ERG: variants seen among roughly 807,000 people sequenced by gnomAD.
ERG encodes the protein transcriptional regulator ERG.
A neutral mutation model predicts 55.3 loss-of-function variants in ERG; 9 were observed. That is an observed-to-expected ratio of 0.16 (90% CI 0.10 to 0.28). The LOEUF is 0.28. Ranked by LOEUF, ERG falls within the 10% of genes least tolerant of loss-of-function variation. The pLI is 1.00. For missense variants in ERG, 434 were observed against 631.6 expected, an observed-to-expected ratio of 0.69 and a Z score of 3.35; for synonymous variants, 223 against 237.3, an observed-to-expected ratio of 0.94 and a Z score of 0.55.
chr21:38,367,802 G>A, the ERG span, among the ~76,000 whole-genome samples: 2 of 152,134 alleles, frequency 1.3e-5, no homozygotes, highest in African/African-American at 4.8e-5. Context: ...ACCTTCTGTG[G>A]AATAACGAAA....
At chr21:38,446,631 A>T (rs1325864768) in intron 1 of ERG, among the ~76,000 whole-genome samples, 1 of 152,162 alleles carries the variant, frequency 6.6e-6, no homozygotes, top group Non-Finnish European at 1.5e-5. Context: ...CATCCTCAGT[A>T]TTGACATCAA....
intron 1 of ERG, among the ~76,000 whole-genome samples, chr21:38,577,354 A>G (rs1170828685): frequency 1.3e-5 from 2 of 152,156 alleles, no homozygotes; most frequent in African/African-American, 2.4e-5. Flanking sequence ...AGATTGGCGG[A>G]GCTTGGCTCA....
intron 2 of ERG, among the ~76,000 whole-genome samples, chr21:38,520,173 C>A (rs1278525322): frequency 6.6e-6 from 1 of 152,120 alleles, no homozygotes; most frequent in Non-Finnish European, 1.5e-5. Flanking sequence ...TCTATCAATT[C>A]ACTGCAAGGA....
chr21:38,524,267 G>T (rs2836463), intron 2 of ERG, among the ~76,000 whole-genome samples: 24,188 of 152,148 alleles, frequency 0.16, 2,125 homozygotes, highest in East Asian at 0.35. Context: ...TTAATCAGCT[G>T]CCAACACTAT....
intron 2 of ERG, among the ~76,000 whole-genome samples, chr21:38,431,068 G>A (rs148178113): frequency 1.4e-4 from 21 of 152,358 alleles, no homozygotes; most frequent in African/African-American, 4.8e-4. Flanking sequence ...ACAGCAGTTG[G>A]AGAATTAAGT....
intron 1 of ERG, among the ~76,000 whole-genome samples, chr21:38,635,978 T>C (rs1318135102): frequency 2.6e-5 from 4 of 152,194 alleles, no homozygotes; most frequent in African/African-American, 9.7e-5. Flanking sequence ...CCAAATCTCA[T>C]ATTGAATTGT....
At chr21:38,643,357 T>C (rs1005410469) in intron 1 of ERG, among the ~76,000 whole-genome samples, 16 of 152,258 alleles carry the variant, frequency 1.1e-4, no homozygotes, top group African/African-American at 3.6e-4. Flanking sequence ...AACGTCTATC[T>C]GGACACAGCC....
chr21:38,608,676 G>A (rs2060209468), intron 1 of ERG, among the ~76,000 whole-genome samples: 1 of 152,094 alleles, frequency 6.6e-6, no homozygotes, highest in Non-Finnish European at 1.5e-5. Flanking sequence ...CCCACATTCT[G>A]AATTGTCTGA....
chr21:38,540,679 C>T (rs981169656), intron 2 of ERG, among the ~76,000 whole-genome samples: 2 of 152,252 alleles, frequency 1.3e-5, no homozygotes, highest in South Asian at 2.1e-4. Flanking sequence ...CCTGAGACCC[C>T]GCCTTCTGGA....
chr21:38,585,532 C>CTTCTTTTTTTTTTTTTTTTTTT (rs777496862), upstream of ERG, among the ~76,000 whole-genome samples: 1 of 59,270 alleles, frequency 1.7e-5, no homozygotes, highest in Non-Finnish European at 3.1e-5. Context: ...TCTCTCTCTT[C>CTTCTTTTTTTTTTTTTTTTTTT]TTTTTTTTTT....
rs148719677 is a variant in ERG at position 38,389,501 on chromosome 21, C to T, written c.919+1494G>A. Among the ~76,000 whole-genome samples the T allele has an allele frequency of 1.2e-3, 185 of 151,992 alleles. 1 individual carries two copies. Among genetic ancestry groups the T allele is most frequent in the African/African-American group, 4.2e-3 (175 of 41,438 alleles). ...TCCTGAACATTGCTGCCAGATCAGT[C>T]TTCCTGAAGCATGACTGATAATAAT... is the stretch of plus-strand genomic sequence containing the variant. On this transcript the variant is annotated intron_variant, in intron 9 of 9. Transcript: ENST00000288319.
At chr21:38,416,115 T>C (rs1051001354) in intron 3 of ERG, among the ~76,000 whole-genome samples, 11 of 152,236 alleles carry the variant, frequency 7.2e-5, no homozygotes, top group African/African-American at 2.2e-4. Flanking sequence ...TATGCAGTCC[T>C]CTAACACTCT....
chr21:38,585,532 C>CTTTTTTTTTTTTTTTTT (rs760791568), upstream of ERG, among the ~76,000 whole-genome samples: 1,572 of 59,242 alleles, frequency 0.027, 497 homozygotes, highest in East Asian at 0.038. Flanking sequence ...TCTCTCTCTT[C>CTTTTTTTTTTTTTTTTT]TTTTTTTTTT....
intron 2 of ERG, among the ~76,000 whole-genome samples, chr21:38,519,598 TGTA>T (rs2059578681): frequency 2.0e-5 from 3 of 152,204 alleles, no homozygotes; most frequent in African/African-American, 7.2e-5. Flanking sequence ...GCCCATTTGA[TGTA>T]GTCGACAGAA....
chr21:38,573,834 C>CA (rs748284391), intron 2 of ERG, among the ~76,000 whole-genome samples: 10 of 152,290 alleles, frequency 6.6e-5, no homozygotes, highest in Non-Finnish European at 1.2e-4. Flanking sequence ...TCTCTCGTCC[C>CA]ACCTGACTAG....
In ERG at chr21:38,577,829, G is replaced by A. The variant is rs181867194; in HGVS notation, c.-126-2082C>T. Among the ~76,000 whole-genome samples, 27 of 152,224 alleles carry A rather than the reference G, an allele frequency of 1.8e-4. No individual in the cohort carries two copies. The South Asian group carries it at 3.9e-3, about 22-fold the overall frequency. On this transcript the variant is annotated intron_variant, in intron 1 of 8. Transcript: ENST00000398897. ...CATTCTCTCTGGACTAGTTCACTCC[G>A]CACAGTTCCTCCCTGCCTGCACACA...
intron 1 of ERG, among the ~76,000 whole-genome samples, chr21:38,661,058 G>C (rs1347114300): frequency 6.6e-6 from 1 of 151,874 alleles, no homozygotes; most frequent in East Asian, 2.0e-4. Flanking sequence ...CGGAGGAGCA[G>C]AGGCTGGGAC....
chr21:38,505,046 T>C (rs1014123326), intron 2 of ERG, among the ~76,000 whole-genome samples: 1 of 152,238 alleles, frequency 6.6e-6, no homozygotes, highest in African/African-American at 2.4e-5. Flanking sequence ...CTTTCTAAAG[T>C]TGGCTTTTAG....
rs141734089 is a variant in ERG, at chr21:38,577,535, C to T, written c.-126-1788G>A. ...GTGAAGTGCAGTCCTGAAATTGAAC[C>T]GGGAAGCAGATGAAGGTGACCAGGC... On this transcript the variant is annotated intron_variant, in intron 1 of 8. Transcript: ENST00000398897. Among the ~76,000 whole-genome samples, 1,249 of 152,154 alleles carry T rather than the reference C, an allele frequency of 8.2e-3. 5 individuals carry two copies. The highest frequency in any genetic ancestry group is 0.013 in the African/African-American group (550 of 41,506).
Sources: allele counts gnomAD v4.1 joint callset (sites outside exome capture counted in the v4.1 genomes callset), GRCh38; gene constraint gnomAD v4.1.1; transcripts MANE v1.5; gene names NCBI Gene and HGNC (gene_info 2026-07-23, HGNC 2026-07-21).